The following ATRNL1 variants were observed in gnomAD, a reference collection of about 807,000 sequenced individuals.
ATRNL1 encodes the protein attractin-like protein 1.
ATRNL1 carries 95 observed loss-of-function variants against 182.7 expected under a neutral mutation model. The ratio of observed to expected loss-of-function variants is 0.52; its 90% CI spans 0.44 to 0.62. The LOEUF (loss-of-function observed/expected upper bound fraction) is 0.62, where lower values mean the gene tolerates loss of function less well. ATRNL1 is among the 20% of genes least tolerant of loss of function. The pLI is 0.00. For missense variants in ATRNL1, 1,471 were observed against 1,679.5 expected, an observed-to-expected ratio of 0.88 and a Z score of 2.17; for synonymous variants, 576 against 568.3, an observed-to-expected ratio of 1.01 and a Z score of -0.19.
rs1443054472 is a variant in ATRNL1, at chr10:115,093,856, C to T, written c.106C>T (p.Leu36=). 8 of 1,560,996 alleles carry T rather than the reference C, an allele frequency of 5.1e-6. No homozygotes were observed. Among genetic ancestry groups the T allele is most frequent in the Middle Eastern group, 3.9e-4 (2 of 5,170 alleles). ...CGGCGGCGGGGGCGCCTCCTCCTGG[C>T]TGCTGGACGGGAACAGCTGGCTGCT... ...GGGGGGASSW[L]LDGNSWLLCY... Residue 36 remains leucine, a synonymous_variant, in exon 1 of 29, where the codon CTG becomes TTG. Coordinates refer to ENST00000355044, the MANE Select transcript of ATRNL1 (RefSeq NM_207303.4). This position sits in a 1 kb window ranked among gnomAD's most constrained non-coding sequence, Gnocchi z 6.1.
At chr10:115,637,111 AG>A (rs1858923906) in intron 26 of ATRNL1, among the ~76,000 whole-genome samples, 1 of 152,230 alleles carries the variant, frequency 6.6e-6, no homozygotes, top group Admixed American at 6.5e-5. Flanking sequence ...TAACTAACAG[AG>A]AAGAATGTCC....
At chr10:115,193,762 C>T in intron 8 of ATRNL1, among the ~76,000 whole-genome samples, 1 of 147,562 alleles carries the variant, frequency 6.8e-6, no homozygotes, top group South Asian at 2.1e-4. Flanking sequence ...GTTTGCTCTT[C>T]TCTTTGTGTT....
intron 19 of ATRNL1, among the ~76,000 whole-genome samples, chr10:115,354,342 A>AT (rs34363553): frequency 2.0e-4 from 30 of 150,668 alleles, no homozygotes; most frequent in East Asian, 1.8e-3. Context: ...TCTCTTCAGC[A>AT]TTTTTTTTTG....
At chr10:115,600,117 G>A (rs1156440750) in intron 26 of ATRNL1, among the ~76,000 whole-genome samples, 1 of 151,714 alleles carries the variant, frequency 6.6e-6, no homozygotes, top group East Asian at 1.9e-4. Context: ...TTCCTTCTTT[G>A]ACCCATCTTA....
chr10:115,827,814 T>C (rs1370535268), intron 27 of ATRNL1, among the ~76,000 whole-genome samples: 1 of 152,028 alleles, frequency 6.6e-6, no homozygotes, highest in African/African-American at 2.4e-5. Context: ...GAGCATGAAA[T>C]AGACTAGCCT....
chr10:115,705,313 G>A (rs1410115674), intron 26 of ATRNL1, among the ~76,000 whole-genome samples: 4 of 151,830 alleles, frequency 2.6e-5, no homozygotes, highest in Non-Finnish European at 4.4e-5. Context: ...GGATATTTTA[G>A]CATTACATCT....
chr10:115,565,384 TTAAA>T (rs1854014755), intron 26 of ATRNL1, among the ~76,000 whole-genome samples: 1 of 152,044 alleles, frequency 6.6e-6, no homozygotes. Context: ...TTTCCTTCAT[TTAAA>T]TGAATGTGTG....
In ATRNL1 at chr10:115,721,526, C is replaced by T. The variant is rs565616063; in HGVS notation, c.3796-5722C>T. Among the ~76,000 whole-genome samples, 2 of 152,194 alleles carry T rather than the reference C, an allele frequency of 1.3e-5. 1 individual carries two copies. The highest frequency in any genetic ancestry group is 4.1e-4 in the South Asian group (2 of 4,822). On this transcript the variant is annotated intron_variant, in intron 26 of 28. Transcript: ENST00000355044. ...AGAATCATGGTGGGGGGCCAAAGCACTTCTTACATGGCAGCGTTAAGAGAA... is the reference window on the plus strand; with the variant it reads ...AGAATCATGGTGGGGGGCCAAAGCATTTCTTACATGGCAGCGTTAAGAGAA...
chr10:115,480,469 A>C (rs1002659453), intron 24 of ATRNL1, among the ~76,000 whole-genome samples: 2 of 151,132 alleles, frequency 1.3e-5, no homozygotes, highest in African/African-American at 4.8e-5. Flanking sequence ...TTTTTAAAAA[A>C]GTTTCAATTC....
rs909646971 is a variant in ATRNL1 at position 115,203,517 on chromosome 10, C to T, written c.1349-12180C>T. Among the ~76,000 whole-genome samples the T allele has an allele frequency of 8.0e-5, 12 of 150,650 alleles. No homozygotes were observed. The South Asian group carries it at 1.7e-3, about 21-fold the overall frequency. ...AAGTACAAAATGTACTCTTCTTGAG[C>T]GTTTAGTTTACTTTTGAGCCTCTTA... On this transcript the variant is annotated intron_variant, in intron 8 of 28. Transcript: ENST00000355044.
At chr10:115,680,515 A>G (rs183156093) in intron 26 of ATRNL1, among the ~76,000 whole-genome samples, 2 of 152,284 alleles carry the variant, frequency 1.3e-5, no homozygotes, top group Non-Finnish European at 2.9e-5. Context: ...TTTGGTGAGC[A>G]TTGCAGTCTC....
rs552012898 is a variant in ATRNL1 at position 115,721,671 on chromosome 10, G to A, written c.3796-5577G>A. On this transcript the variant is annotated intron_variant, in intron 26 of 28. Transcript: ENST00000355044. ...CCCCATGATTCAGTTCCTCCCACTC[G>A]GTCCCTCCCACAACACGAGAGATTT... Among the ~76,000 whole-genome samples, 17 of 152,170 alleles carry A rather than the reference G, an allele frequency of 1.1e-4. No homozygotes were observed. The East Asian group carries it at 1.4e-3, about 12-fold the overall frequency.
intron 19 of ATRNL1, among the ~76,000 whole-genome samples, chr10:115,376,464 G>GT (rs1857677040): frequency 6.6e-6 from 1 of 151,926 alleles, no homozygotes; most frequent in African/African-American, 2.4e-5. Flanking sequence ...AATTTTTTTA[G>GT]TTTTTGAAGA....
intron 28 of ATRNL1, among the ~76,000 whole-genome samples, chr10:115,927,028 G>T (rs896568591): frequency 1.7e-4 from 26 of 152,026 alleles, no homozygotes; most frequent in African/African-American, 6.3e-4. Context: ...TAAAATACTG[G>T]CACACCAAAT....
chr10:115,556,804 C>G (rs1210331970), intron 26 of ATRNL1, among the ~76,000 whole-genome samples: 1 of 150,564 alleles, frequency 6.6e-6, no homozygotes, highest in East Asian at 1.9e-4. Flanking sequence ...TCCTCCATTT[C>G]TACTGTAATG....
At chr10:115,687,838 A>G (rs1423364328) in intron 26 of ATRNL1, among the ~76,000 whole-genome samples, 6 of 152,042 alleles carry the variant, frequency 3.9e-5, no homozygotes, top group African/African-American at 7.2e-5. Flanking sequence ...TCTTGTACTT[A>G]TTTCAAATAT....
intron 27 of ATRNL1, among the ~76,000 whole-genome samples, chr10:115,736,414 G>T (rs1947952588): frequency 6.6e-6 from 1 of 151,656 alleles, no homozygotes; most frequent in Non-Finnish European, 1.5e-5. Context: ...TTTTAAATCT[G>T]ACAGTTTTTG....
At chr10:115,934,880 A>C (rs1440427094) in intron 28 of ATRNL1, among the ~76,000 whole-genome samples, 1 of 151,938 alleles carries the variant, frequency 6.6e-6, no homozygotes, top group African/African-American at 2.4e-5. Context: ...CCATTCTCCC[A>C]TTGTTCCATT....
intron 13 of ATRNL1, among the ~76,000 whole-genome samples, chr10:115,271,328 C>T (rs1851854186): frequency 6.6e-6 from 1 of 151,972 alleles, no homozygotes; most frequent in Non-Finnish European, 1.5e-5. Context: ...TACATGGGCA[C>T]AATGTGCAGG....
Sources: allele counts gnomAD v4.1 joint callset (sites outside exome capture counted in the v4.1 genomes callset), GRCh38; gene constraint gnomAD v4.1.1; non-coding constraint Gnocchi (gnomAD v3.1); transcripts MANE v1.5; gene names NCBI Gene and HGNC (gene_info 2026-07-23, HGNC 2026-07-21).